Variants in SUMF1 observed in about 807,000 individuals in gnomAD.
SUMF1 encodes the protein sulfatase modifying factor 1, also known as formylglycine-generating enzyme.
Under a neutral mutation model 47.6 loss-of-function variants are expected in SUMF1, and 48 were observed. The observed-to-expected ratio is 1.01, with a 90% CI of 0.80 to 1.28. SUMF1 has a LOEUF of 1.28. SUMF1 is among the 50% of genes most tolerant of loss of function. The pLI is 0.00. For missense variants in SUMF1, 571 were observed against 485.4 expected, an observed-to-expected ratio of 1.18 and a Z score of -1.66; for synonymous variants, 230 against 192.1, an observed-to-expected ratio of 1.20 and a Z score of -1.63.
At chr3:4,207,296 C>T (rs1574977758) in intron 8 of SUMF1, among the ~76,000 whole-genome samples, 2 of 152,076 alleles carry the variant, frequency 1.3e-5, no homozygotes, top group African/African-American at 4.8e-5. Flanking sequence ...TTACTTCTTA[C>T]CTTTCAATAT....
At chr3:4,371,335 T>C (rs952321566) in intron 8 of SUMF1, among the ~76,000 whole-genome samples, 1 of 152,224 alleles carries the variant, frequency 6.6e-6, no homozygotes, top group Non-Finnish European at 1.5e-5. Flanking sequence ...TTGATCTCCA[T>C]GTCTGTGCTA....
At chr3:4,165,246 G>A (rs982879040) in intron 8 of SUMF1, among the ~76,000 whole-genome samples, 1 of 152,162 alleles carries the variant, frequency 6.6e-6, no homozygotes, top group Non-Finnish European at 1.5e-5. Flanking sequence ...TGAAGTCGAA[G>A]ATTTGCCCTA....
chr3:4,274,077 G>A (rs1226132482), intron 8 of SUMF1, among the ~76,000 whole-genome samples: 1 of 152,016 alleles, frequency 6.6e-6, no homozygotes, highest in Non-Finnish European at 1.5e-5. Flanking sequence ...CCTCCCTAAA[G>A]CAGCTGGTAG....
chr3:4,343,984 A>G (rs1699322674), intron 8 of SUMF1, among the ~76,000 whole-genome samples: 1 of 152,264 alleles, frequency 6.6e-6, no homozygotes, highest in African/African-American at 2.4e-5. Context: ...GAACTTTCAC[A>G]AGATATACAA....
intron 8 of SUMF1, among the ~76,000 whole-genome samples, chr3:4,170,412 C>T (rs1694806414): frequency 6.6e-6 from 1 of 152,118 alleles, no homozygotes; most frequent in African/African-American, 2.4e-5. Context: ...TAACAAGTTC[C>T]AATGGCCACA....
intron 3 of SUMF1, among the ~76,000 whole-genome samples, chr3:4,447,830 C>A (rs1702833050): frequency 6.6e-6 from 1 of 152,150 alleles, no homozygotes; most frequent in Non-Finnish European, 1.5e-5. Flanking sequence ...TCAACAGGCA[C>A]CTTCACAGCC....
intron 8 of SUMF1, among the ~76,000 whole-genome samples, chr3:4,184,151 A>AG (rs2125136192): frequency 6.6e-6 from 1 of 151,822 alleles, no homozygotes; most frequent in East Asian, 1.9e-4. Context: ...AAATTAAAAA[A>AG]AAAAAAGAAA....
chr3:4,124,473 T>A (rs1693611583), intron 8 of SUMF1, among the ~76,000 whole-genome samples: 1 of 152,100 alleles, frequency 6.6e-6, no homozygotes, highest in East Asian at 1.9e-4. Flanking sequence ...ATTGTTCTAA[T>A]CCCTTCCCTG....
At chr3:4,135,287 G>A (rs1693898409) in intron 8 of SUMF1, among the ~76,000 whole-genome samples, 1 of 152,056 alleles carries the variant, frequency 6.6e-6, no homozygotes, top group Non-Finnish European at 1.5e-5. Context: ...GATCAAGTGG[G>A]CTTCATCCCT....
intron 8 of SUMF1, among the ~76,000 whole-genome samples, chr3:4,280,192 A>G (rs776749691): frequency 6.6e-6 from 1 of 152,216 alleles, no homozygotes; most frequent in African/African-American, 2.4e-5. Context: ...CATGTTGTAC[A>G]TAATATATAG....
At chr3:4,363,028 C>T (rs1464859545) in intron 8 of SUMF1, among the ~76,000 whole-genome samples, 1 of 152,088 alleles carries the variant, frequency 6.6e-6, no homozygotes, top group African/African-American at 2.4e-5. Context: ...TGGAAGATTC[C>T]GAATGCACCA....
chr3:4,277,598 T>G (rs1302720652), intron 8 of SUMF1, among the ~76,000 whole-genome samples: 1 of 152,068 alleles, frequency 6.6e-6, no homozygotes, highest in Non-Finnish European at 1.5e-5. Context: ...GGACCTTGAA[T>G]TAAACTCAAA....
At chr3:4,304,045 C>A (rs952578511) in intron 8 of SUMF1, 2 of 214,246 alleles carry the variant, frequency 9.3e-6, no homozygotes, top group Non-Finnish European at 1.9e-5. Flanking sequence ...ACCTCTCTTC[C>A]GGAGTGCTTT....
chr3:4,222,776 T>A (rs1036675920), intron 8 of SUMF1, among the ~76,000 whole-genome samples: 2 of 152,090 alleles, frequency 1.3e-5, no homozygotes, highest in Non-Finnish European at 1.5e-5. Flanking sequence ...CCCACAGGAT[T>A]CCTGAGTCAT....
At chr3:4,225,869 C>G (rs1241297644) in intron 8 of SUMF1, among the ~76,000 whole-genome samples, 6 of 152,136 alleles carry the variant, frequency 3.9e-5, no homozygotes, top group African/African-American at 1.2e-4. Context: ...TCAGACATGA[C>G]TAGGCTTACA....
chr3:4,439,344 C>T (rs1702502858), intron 3 of SUMF1, among the ~76,000 whole-genome samples: 1 of 151,410 alleles, frequency 6.6e-6, no homozygotes, highest in East Asian at 1.9e-4. Context: ...GGCAACACAG[C>T]AAAACTCCAT....
chr3:4,398,014 G>A (rs1701091675), intron 7 of SUMF1, among the ~76,000 whole-genome samples: 1 of 152,106 alleles, frequency 6.6e-6, no homozygotes, highest in Non-Finnish European at 1.5e-5. Flanking sequence ...ACTTACAGAT[G>A]AGGAAGCTGG....
At chr3:4,088,792 A>C (rs1692725055) in intron 8 of SUMF1, among the ~76,000 whole-genome samples, 1 of 152,052 alleles carries the variant, frequency 6.6e-6, no homozygotes, top group South Asian at 2.1e-4. Flanking sequence ...CTGATTGGCC[A>C]TCCCGATCAA....
At chr3:4,193,313 T>C (rs985689166) in intron 8 of SUMF1, among the ~76,000 whole-genome samples, 1 of 152,146 alleles carries the variant, frequency 6.6e-6, no homozygotes. Flanking sequence ...ATTTAGCTAG[T>C]CCTGATTGAT....
Sources: allele counts gnomAD v4.1 joint callset (sites outside exome capture counted in the v4.1 genomes callset), GRCh38; gene constraint gnomAD v4.1.1; transcripts MANE v1.5; gene names NCBI Gene and HGNC (gene_info 2026-07-23, HGNC 2026-07-21).